Variants in TENM4 observed in about 807,000 individuals in gnomAD.
TENM4 encodes the protein teneurin transmembrane protein 4.
In TENM4, 82 loss-of-function variants were observed where a neutral mutation model predicts 243.3. The observed-to-expected ratio is 0.34, with a 90% CI of 0.28 to 0.40. The LOEUF is 0.40. Ranked by LOEUF, TENM4 falls within the 10% of genes least tolerant of loss-of-function variation. The pLI is 1.00. For synonymous variants in TENM4, 1,412 were observed against 1,456.3 expected (o/e 0.97, Z 0.69); for missense variants, 3,138 against 3,673.3 (o/e 0.85, Z 3.77).
intron 17 of TENM4, among the ~76,000 whole-genome samples, chr11:78,775,201 C>T (rs1856717521): frequency 6.6e-6 from 1 of 152,246 alleles, no homozygotes; most frequent in Non-Finnish European, 1.5e-5. Flanking sequence ...CTTTACCCCA[C>T]CCAGTAACCT....
intron 1 of TENM4, among the ~76,000 whole-genome samples, chr11:79,373,294 ATGGCTGGCTGGCTGGCTGGC>A (rs200276676): frequency 2.0e-5 from 3 of 149,630 alleles, no homozygotes; most frequent in South Asian, 4.3e-4. Context: ...GGGTGGATAG[ATGGCTGGCTGGCTGGCTGGC>A]TGGCTGGCTG....
At chr11:79,198,986 G>C (rs1863689222) in intron 3 of TENM4, among the ~76,000 whole-genome samples, 2 of 152,194 alleles carry the variant, frequency 1.3e-5, no homozygotes, top group Non-Finnish European at 2.9e-5. Context: ...AGAAGGGATG[G>C]AGTCTGGAGG....
chr11:79,206,134 T>C (rs967168167), intron 3 of TENM4, among the ~76,000 whole-genome samples: 2 of 152,190 alleles, frequency 1.3e-5, no homozygotes, highest in Admixed American at 1.3e-4. Context: ...TGCCTGGGTA[T>C]CTGGGTGTGC....
At chr11:79,138,065 G>A (rs913393375) in intron 4 of TENM4, among the ~76,000 whole-genome samples, 1 of 151,674 alleles carries the variant, frequency 6.6e-6, no homozygotes, top group Admixed American at 6.6e-5. Flanking sequence ...CTTAATCTGG[G>A]TGGGCACAAT....
rs76023364 is a variant in TENM4 at position 79,145,501 on chromosome 11, C to T, written c.-66+3209G>A. On this transcript the variant is annotated intron_variant, in intron 4 of 33. Transcript: ENST00000278550. ...AGTGCAGTCATAAAGTTTCTTTGTG[C>T]CTGCTTCTTTCTTTCACCTTCATGC... Among the ~76,000 whole-genome samples, 954 of 152,156 alleles carry T rather than the reference C, an allele frequency of 6.3e-3. 9 individuals are homozygous for T. Among genetic ancestry groups the T allele is most frequent in the African/African-American group, 0.021 (888 of 41,536 alleles).
At chr11:79,404,983 C>T (rs960052911) in intron 1 of TENM4, among the ~76,000 whole-genome samples, 2 of 152,026 alleles carry the variant, frequency 1.3e-5, no homozygotes, top group Non-Finnish European at 2.9e-5. Flanking sequence ...TGTGCAGCAC[C>T]AGAGAAGACT....
chr11:78,962,420 G>T (rs1404566739), intron 6 of TENM4, among the ~76,000 whole-genome samples: 1 of 151,194 alleles, frequency 6.6e-6, no homozygotes, highest in Non-Finnish European at 1.5e-5. Flanking sequence ...CACACGGGGA[G>T]GGGGAGGGAG....
intron 32 of TENM4, among the ~76,000 whole-genome samples, chr11:78,667,649 C>T (rs958862652): frequency 1.3e-5 from 2 of 152,162 alleles, no homozygotes; most frequent in Admixed American, 1.3e-4. Context: ...ACAGCAGTTG[C>T]CTGTCTCTCC....
chr11:79,016,768 A>C (rs1417998959), intron 6 of TENM4, among the ~76,000 whole-genome samples: 2 of 152,340 alleles, frequency 1.3e-5, no homozygotes, highest in East Asian at 3.9e-4. Flanking sequence ...TGGGGGAAGC[A>C]TTCAGCTTTC....
intron 4 of TENM4, among the ~76,000 whole-genome samples, chr11:79,109,827 C>T (rs1031746894): frequency 6.6e-6 from 1 of 152,194 alleles, no homozygotes; most frequent in African/African-American, 2.4e-5. Context: ...AGCCATGTGA[C>T]TCTGGGCAAT....
intron 6 of TENM4, among the ~76,000 whole-genome samples, chr11:79,007,742 G>T (rs941435474): frequency 6.6e-6 from 1 of 152,130 alleles, no homozygotes; most frequent in Non-Finnish European, 1.5e-5. Flanking sequence ...CTTCTTGAAG[G>T]ATAGCCATCT....
chr11:79,245,113 T>C (rs754633795), intron 2 of TENM4, among the ~76,000 whole-genome samples: 8 of 152,230 alleles, frequency 5.3e-5, no homozygotes, highest in African/African-American at 1.7e-4. Context: ...GCTCTCCTAC[T>C]GGACTGAATC....
chr11:78,912,202 C>T (rs1856203892), intron 6 of TENM4, among the ~76,000 whole-genome samples: 1 of 152,156 alleles, frequency 6.6e-6, no homozygotes, highest in East Asian at 1.9e-4. Context: ...GGTTGGAACC[C>T]ACCTTTAAGA....
At chr11:79,219,575 A>T (rs1864119347) in intron 2 of TENM4, among the ~76,000 whole-genome samples, 1 of 152,206 alleles carries the variant, frequency 6.6e-6, no homozygotes, top group Non-Finnish European at 1.5e-5. Flanking sequence ...TTGCAGGTGA[A>T]GAAAGGAGAC....
At chr11:78,910,078 A>C (rs1386964276) in intron 6 of TENM4, among the ~76,000 whole-genome samples, 1 of 152,200 alleles carries the variant, frequency 6.6e-6, no homozygotes, top group Non-Finnish European at 1.5e-5. Context: ...AGAAAAAGCC[A>C]TAAACTTCCA....
At chr11:78,938,169 C>G (rs2136445993) in intron 6 of TENM4, among the ~76,000 whole-genome samples, 1 of 152,318 alleles carries the variant, frequency 6.6e-6, no homozygotes, top group South Asian at 2.1e-4. Flanking sequence ...GCCTGATATT[C>G]AAGATTCTTC....
At chr11:79,190,554 A>T (rs976876865) in intron 3 of TENM4, among the ~76,000 whole-genome samples, 28 of 152,270 alleles carry the variant, frequency 1.8e-4, no homozygotes, top group Non-Finnish European at 1.6e-4. Context: ...AAATAATACA[A>T]CACTATCCCC....
At chr11:79,249,648 C>G in intron 2 of TENM4, among the ~76,000 whole-genome samples, 1 of 152,200 alleles carries the variant, frequency 6.6e-6, no homozygotes, top group East Asian at 1.9e-4. Context: ...ACTACACCAA[C>G]TCCTTTACTT....
rs1206253811 is a variant in TENM4, at chr11:79,409,111, CGCGT to C, written c.-321+31394_-321+31397del. Among the ~76,000 whole-genome samples, 5 of 128,464 alleles carry C rather than the reference CGCGT, an allele frequency of 3.9e-5. No homozygotes were observed. The South Asian group carries it at 7.5e-4, about 19-fold the overall frequency. 84.3% of individuals were successfully genotyped at this position (128,464 alleles called of 152,430 possible). ...GTGTGTGTGTGTGTGTGCGCGCGCG[CGCGT>C]GCGTGCACGCGCACGCACATGCGTG... On this transcript the variant is annotated intron_variant, in intron 1 of 33. Transcript: ENST00000278550.
Sources: allele counts gnomAD v4.1 joint callset (sites outside exome capture counted in the v4.1 genomes callset), GRCh38; gene constraint gnomAD v4.1.1; transcripts MANE v1.5; gene names NCBI Gene and HGNC (gene_info 2026-07-23, HGNC 2026-07-21).